The following CPEB1 variants were observed in gnomAD, a reference collection of about 807,000 sequenced individuals.
CPEB1 encodes the protein cytoplasmic polyadenylation element-binding protein 1.
A neutral mutation model predicts 65.8 loss-of-function variants in CPEB1; 7 were observed. The ratio of observed to expected loss-of-function variants is 0.11; its 90% confidence interval spans 0.06 to 0.20. The LOEUF is 0.20. CPEB1 is among the 10% of genes least tolerant of loss of function. The probability of loss-of-function intolerance (pLI) is 1.00; values close to 1 mark genes in which losing one functional copy is unlikely to be tolerated. For missense variants in CPEB1, 551 were observed against 712.2 expected (o/e 0.77, Z 2.58); for synonymous variants, 262 against 260.0 (o/e 1.01, Z -0.08).
At chr15:82,611,830 T>C (rs994227163) in intron 3 of CPEB1, among the ~76,000 whole-genome samples, 1 of 144,936 alleles carries the variant, frequency 6.9e-6, no homozygotes, top group Non-Finnish European at 1.5e-5. Flanking sequence ...AAATGACACA[T>C]AAAAGAAATG....
rs1469804974 is a variant in CPEB1 at position 82,606,742 on chromosome 15, C to T, written c.271+20451G>A. 1.5e-4 allele frequency among the ~76,000 whole-genome samples: 10 copies of T among 67,010 alleles called. 4 individuals are homozygous for T. Among genetic ancestry groups the T allele is most frequent in the Non-Finnish European group, 2.0e-4 (7 of 34,462 alleles). 44.0% of individuals were successfully genotyped at this position (67,010 alleles called of 152,430 possible). On this transcript the variant is annotated intron_variant, in intron 3 of 12. Coordinates refer to ENST00000684509, the MANE Select transcript of CPEB1 (RefSeq NM_001365242.1). ...CTGAGGCAGGAGAATGGCGTGAACC[C>T]GGGAGGCGGAGCTTGCAGTGAGCCG...
intron 4 of CPEB1, among the ~76,000 whole-genome samples, chr15:82,558,822 G>C (rs972744451): frequency 6.6e-6 from 1 of 152,150 alleles, no homozygotes; most frequent in Non-Finnish European, 1.5e-5. Flanking sequence ...CAAAAAAAGA[G>C]CAACGTTTTC....
At chr15:82,620,410 G>T (rs968563483) in intron 3 of CPEB1, among the ~76,000 whole-genome samples, 1 of 141,852 alleles carries the variant, frequency 7.0e-6, no homozygotes, top group Non-Finnish European at 1.5e-5. Context: ...GGGCGACAGA[G>T]CAAGACTCTG....
At chr15:82,583,486 T>G (rs1401984877) in intron 3 of CPEB1, 1 of 152,216 alleles carries the variant, frequency 6.6e-6, no homozygotes, top group African/African-American at 2.4e-5. Context: ...AAGCCAGTTA[T>G]TTAAAACAGG....
chr15:82,603,632 T>C (rs903401380), intron 3 of CPEB1, among the ~76,000 whole-genome samples: 2 of 152,204 alleles, frequency 1.3e-5, no homozygotes, highest in African/African-American at 4.8e-5. Context: ...TGCAGAGTTG[T>C]AAACTGTCTG....
At chr15:82,548,386 G>A (rs567264386) in intron 10 of CPEB1, among the ~76,000 whole-genome samples, 3 of 152,180 alleles carry the variant, frequency 2.0e-5, no homozygotes, top group East Asian at 3.9e-4. Context: ...TTCCAAATGT[G>A]ACAACAGCTG....
intron 10 of CPEB1, 104 bp downstream of exon 10, chr15:82,549,356 G>A: frequency 8.7e-7 from 1 of 1,146,252 alleles, no homozygotes; most frequent in Non-Finnish European, 1.3e-6. Flanking sequence ...CTGATCTGCA[G>A]ACCTGGGTCA....
chr15:82,571,611 A>T, intron 3 of CPEB1, 79 bp from the exon 4 acceptor site: 1 of 1,516,408 alleles, frequency 6.6e-7, no homozygotes, highest in South Asian at 1.3e-5. Flanking sequence ...AAATATTATT[A>T]ATAATAGTTT....
intron 3 of CPEB1, chr15:82,572,962 A>G (rs2040236699): frequency 1.5e-6 from 2 of 1,369,338 alleles, no homozygotes. Context: ...CTTCTTCCTC[A>G]TAAAGGAGGG....
At chr15:82,567,367 G>A (rs1467215229) in intron 4 of CPEB1, among the ~76,000 whole-genome samples, 2 of 151,856 alleles carry the variant, frequency 1.3e-5, no homozygotes, top group African/African-American at 4.8e-5. Flanking sequence ...GGCCAGGCAC[G>A]GTGGCTCACA....
intron 5 of CPEB1, among the ~76,000 whole-genome samples, chr15:82,557,131 C>T (rs552484494): frequency 3.3e-5 from 5 of 152,304 alleles, no homozygotes; most frequent in Non-Finnish European, 2.9e-5. Flanking sequence ...ATATCCCCTA[C>T]CTATTCTAAT....
At chr15:82,573,234 ATTTT>A (rs11336258) in intron 3 of CPEB1, 22 of 1,153,374 alleles carry the variant, frequency 1.9e-5, no homozygotes, top group South Asian at 5.7e-5. Flanking sequence ...TCCTTTGGAG[ATTTT>A]TTTTTTTTTT....
intron 4 of CPEB1, among the ~76,000 whole-genome samples, chr15:82,564,081 T>G (rs183819705): frequency 1.5e-4 from 23 of 152,292 alleles, no homozygotes; most frequent in Admixed American, 3.9e-4. Flanking sequence ...AAGTTGTGCC[T>G]TCTCAACCAA....
At chr15:82,576,192 G>A (rs568128149) in intron 3 of CPEB1, among the ~76,000 whole-genome samples, 59 of 152,288 alleles carry the variant, frequency 3.9e-4, no homozygotes, top group African/African-American at 1.2e-3. Flanking sequence ...GGAAAAAGCC[G>A]TACATAAGTT....
At chr15:82,578,710 T>C (rs2040921241) in intron 3 of CPEB1, among the ~76,000 whole-genome samples, 1 of 152,024 alleles carries the variant, frequency 6.6e-6, no homozygotes, top group Admixed American at 6.6e-5. Flanking sequence ...TGAGCCAAGA[T>C]CATGCCACTG....
At chr15:82,554,939 TG>T (rs1234488295) in intron 6 of CPEB1, among the ~76,000 whole-genome samples, 1 of 152,198 alleles carries the variant, frequency 6.6e-6, no homozygotes, top group Non-Finnish European at 1.5e-5. Context: ...AGTACAAAGA[TG>T]GGTTGCCAAA....
At chr15:82,580,440 C>G (rs1483617778) in intron 3 of CPEB1, among the ~76,000 whole-genome samples, 1 of 151,948 alleles carries the variant, frequency 6.6e-6, no homozygotes, top group East Asian at 1.9e-4. Context: ...TATTGTAAAT[C>G]TACAGTTTCA....
At chr15:82,563,624 G>A (rs1310492296) in intron 4 of CPEB1, among the ~76,000 whole-genome samples, 1 of 151,280 alleles carries the variant, frequency 6.6e-6, no homozygotes, top group Non-Finnish European at 1.5e-5. Flanking sequence ...TCACAGGTGT[G>A]AGCCTCCGTG....
chr15:82,621,121 T>G (rs2045263964), intron 3 of CPEB1, among the ~76,000 whole-genome samples: 1 of 152,242 alleles, frequency 6.6e-6, no homozygotes, highest in African/African-American at 2.4e-5. Flanking sequence ...TATTAAACTT[T>G]GTTTTGGAAT....
Sources: allele counts gnomAD v4.1 joint callset (sites outside exome capture counted in the v4.1 genomes callset), GRCh38; gene constraint gnomAD v4.1.1; transcripts MANE v1.5; gene names NCBI Gene and HGNC (gene_info 2026-07-23, HGNC 2026-07-21).